The following MLLT10 variants were observed in gnomAD, a reference collection of about 807,000 sequenced individuals.
MLLT10 encodes the protein protein AF-10.
A neutral mutation model predicts 129.1 loss-of-function variants in MLLT10; 30 were observed. That is an observed-to-expected ratio of 0.23 (90% confidence interval 0.17 to 0.32). The LOEUF is 0.32. Among genes scored for constraint, MLLT10 ranks in the 10% least tolerant of loss-of-function variants. MLLT10 has a pLI of 1.00. For synonymous variants in MLLT10, 490 were observed against 446.4 expected (o/e 1.10, Z -1.23); for missense variants, 1,119 against 1,268.3 (o/e 0.88, Z 1.79).
At chr10:21,731,657 A>G (rs931625520) in intron 17 of MLLT10, among the ~76,000 whole-genome samples, 2 of 152,180 alleles carry the variant, frequency 1.3e-5, no homozygotes, top group Non-Finnish European at 2.9e-5. Flanking sequence ...TAAATCTATA[A>G]TTAGTATATA....
At chr10:21,655,808 G>A (rs114713098) in intron 9 of MLLT10, among the ~76,000 whole-genome samples, 2,054 of 152,294 alleles carry the variant, frequency 0.013, 52 homozygotes, top group African/African-American at 0.047. Flanking sequence ...TAAACAGTGG[G>A]TTTCAGGGTC....
At chr10:21,551,289 CTTTTTTTTTTT>C (rs11461905) in intron 3 of MLLT10, among the ~76,000 whole-genome samples, 1 of 91,966 alleles carries the variant, frequency 1.1e-5, no homozygotes. Flanking sequence ...CGGATTGTAC[CTTTTTTTTTTT>C]TTTTTTTTTT....
At chr10:21,618,592 C>T (rs557245498) in intron 8 of MLLT10, among the ~76,000 whole-genome samples, 1 of 152,136 alleles carries the variant, frequency 6.6e-6, no homozygotes, top group African/African-American at 2.4e-5. Context: ...AGTAAATTCT[C>T]TATCATGAGT....
chr10:21,557,327 T>A, intron 3 of MLLT10: 2 of 355,590 alleles, frequency 5.6e-6, no homozygotes, highest in Non-Finnish European at 8.4e-6. Context: ...CAGTGACTCT[T>A]AACATAAAAG....
At chr10:21,739,011 G>A (rs558258434) in intron 21 of MLLT10, among the ~76,000 whole-genome samples, 3 of 152,086 alleles carry the variant, frequency 2.0e-5, no homozygotes, top group Non-Finnish European at 4.4e-5. Flanking sequence ...CAAACATAAC[G>A]TGTCCAGAAC....
chr10:21,702,693 GT>G (rs963554725), intron 13 of MLLT10, among the ~76,000 whole-genome samples: 8 of 149,112 alleles, frequency 5.4e-5, no homozygotes, highest in East Asian at 2.0e-4. Context: ...CTTTTTTACA[GT>G]TTTTTTTTTC....
intron 3 of MLLT10, among the ~76,000 whole-genome samples, chr10:21,580,598 G>T (rs2131070796): frequency 6.6e-6 from 1 of 152,196 alleles, no homozygotes; most frequent in Admixed American, 6.5e-5. Context: ...CACTGTGTTA[G>T]CCAGGATGGT....
intron 8 of MLLT10, among the ~76,000 whole-genome samples, chr10:21,640,959 A>G (rs1041747501): frequency 4.6e-5 from 7 of 152,144 alleles, no homozygotes; most frequent in Admixed American, 1.3e-4. Context: ...TGCTGCCTCT[A>G]TGGCTTTAAT....
chr10:21,580,530 A>G (rs2041294461), intron 3 of MLLT10, among the ~76,000 whole-genome samples: 1 of 151,784 alleles, frequency 6.6e-6, no homozygotes, highest in Admixed American at 6.6e-5. Context: ...TGGGGACTAC[A>G]GGCGCCCGCC....
chr10:21,656,777 C>T (rs564409036), intron 9 of MLLT10, among the ~76,000 whole-genome samples: 11 of 151,982 alleles, frequency 7.2e-5, no homozygotes, highest in Non-Finnish European at 1.0e-4. Context: ...AGTGGACCAC[C>T]GGTGATACAT....
intron 13 of MLLT10, among the ~76,000 whole-genome samples, chr10:21,694,309 G>A (rs1231386157): frequency 2.6e-5 from 4 of 152,110 alleles, no homozygotes; most frequent in Admixed American, 6.5e-5. Flanking sequence ...AGATCACAGC[G>A]TAGTTGTTTT....
intron 17 of MLLT10, 111 bp from the exon 18 acceptor site, chr10:21,732,782 TTTACAG>T (rs2058068956): frequency 1.0e-5 from 8 of 799,446 alleles, no homozygotes; most frequent in Admixed American, 7.5e-5. Flanking sequence ...TTAGAAACAC[TTTACAG>T]AATTTCTACT....
At chr10:21,642,781 T>A (rs2048142464) in intron 8 of MLLT10, among the ~76,000 whole-genome samples, 1 of 152,192 alleles carries the variant, frequency 6.6e-6, no homozygotes, top group Admixed American at 6.5e-5. Flanking sequence ...CTTGGACTCA[T>A]CCATGTTCAC....
intron 7 of MLLT10, among the ~76,000 whole-genome samples, chr10:21,616,751 C>G (rs1449772045): frequency 6.6e-6 from 1 of 151,712 alleles, no homozygotes; most frequent in African/African-American, 2.4e-5. Flanking sequence ...AAATATTTAC[C>G]TTTCTATTCT....
chr10:21,644,436 G>T (rs887553583), intron 8 of MLLT10, among the ~76,000 whole-genome samples: 1 of 152,110 alleles, frequency 6.6e-6, no homozygotes, highest in Admixed American at 6.6e-5. Flanking sequence ...TGGGAATGAG[G>T]GGTGCAGTAT....
intron 13 of MLLT10, among the ~76,000 whole-genome samples, chr10:21,703,825 T>C (rs1232213791): frequency 6.6e-6 from 1 of 151,754 alleles, no homozygotes. Context: ...ATTACAGGTG[T>C]GAGCCATCGC....
chr10:21,536,986 C>T (rs1371268466), intron 2 of MLLT10, among the ~76,000 whole-genome samples: 2 of 151,914 alleles, frequency 1.3e-5, no homozygotes, highest in Non-Finnish European at 2.9e-5. Context: ...GGGGTTTCTC[C>T]ATGTTGGTCA....
intron 5 of MLLT10, among the ~76,000 whole-genome samples, chr10:21,609,450 G>A (rs1371627639): frequency 6.6e-6 from 1 of 152,186 alleles, no homozygotes; most frequent in Non-Finnish European, 1.5e-5. Context: ...AGGTTGTACT[G>A]TAGCCCCCTG....
chr10:21,651,498 A>C (rs1356842384), intron 8 of MLLT10, among the ~76,000 whole-genome samples, 175 bp from the exon 9 acceptor site: 2 of 152,236 alleles, frequency 1.3e-5, no homozygotes, highest in African/African-American at 4.8e-5. Flanking sequence ...GAACTTACCT[A>C]AAAAGAAACT....
Sources: gnomAD v4.1 joint callset for allele counts (sites outside exome capture counted in the v4.1 genomes callset) on GRCh38, gnomAD v4.1.1 for gene constraint, MANE v1.5 for transcripts, NCBI Gene and HGNC (gene_info 2026-07-23, HGNC 2026-07-21) for gene names.